LHX2: variants seen among roughly 807,000 people sequenced by gnomAD.
The protein encoded by LHX2 is LIM homeobox 2.
In LHX2, 6 loss-of-function variants were observed where a neutral mutation model predicts 33.0. The ratio of observed to expected loss-of-function variants is 0.18; its 90% CI spans 0.10 to 0.36. LHX2 has a LOEUF of 0.36. Ranked by LOEUF, LHX2 falls within the 10% of genes least tolerant of loss-of-function variation. The pLI, the probability that LHX2 is intolerant of heterozygous loss-of-function variation, is 1.00. For missense variants in LHX2, 442 were observed against 586.2 expected (o/e 0.75, Z 2.54); for synonymous variants, 292 against 253.1 (o/e 1.15, Z -1.46).
chr9:124,013,790 A>G (rs1335625028), intron 1 of LHX2, among the ~76,000 whole-genome samples, 171 bp from the exon 2 acceptor site: 2 of 152,348 alleles, frequency 1.3e-5, no homozygotes, highest in African/African-American at 4.8e-5. Context: ...CCGCCCAGAA[A>G]TGGAAATGGG....
chr9:124,023,996 T>C (rs558421730), intron 4 of LHX2, among the ~76,000 whole-genome samples: 1 of 152,204 alleles, frequency 6.6e-6, no homozygotes, highest in African/African-American at 2.4e-5. Context: ...TGATCTCCAC[T>C]TGCCCCAAAT....
rs1002288001 is a variant in LHX2, at chr9:124,032,195, T to C, written c.934-225T>C. On this transcript the variant is annotated intron_variant, in intron 4 of 4. Transcript: ENST00000373615. The surrounding 1 kb of genome is among the most constrained non-coding windows in gnomAD (Gnocchi z 4.1). ...AGTTAGAAGCTGCAGTGAGTCGAGA[T>C]TGTGTCACTGCACTTCAGCCTGGGG... The C allele has an allele frequency of 7.4e-5, 37 of 500,580 alleles. No homozygotes were observed. The highest frequency in any genetic ancestry group is 1.7e-4 in the South Asian group (5 of 29,076). The allele number at this position is 500,580 out of a possible 1,614,324, so 31.0% of individuals were successfully genotyped here.
intron 4 of LHX2, among the ~76,000 whole-genome samples, chr9:124,029,257 A>G (rs1473565504): frequency 6.6e-6 from 1 of 152,184 alleles, no homozygotes; most frequent in Non-Finnish European, 1.5e-5. Context: ...GCACATAGTA[A>G]AAGGTACATA....
intron 3 of LHX2, among the ~76,000 whole-genome samples, chr9:124,020,118 T>C (rs1859266843): frequency 6.6e-6 from 1 of 152,226 alleles, no homozygotes; most frequent in East Asian, 1.9e-4. Context: ...TTACCGGTGG[T>C]GTGGCAGTGT....
At chr9:124,021,077 C>A (rs1243918132) in intron 3 of LHX2, 22 bp from the exon 4 acceptor site, 10 of 1,611,548 alleles carry the variant, frequency 6.2e-6, no homozygotes. Flanking sequence ...GTTCACCCAC[C>A]GGCTCTGTGT....
At position 124,016,915 on chromosome 9, in the gene LHX2, A is replaced by T. The variant is rs747201411; in HGVS notation, c.727+1390A>T. 2.6e-5 allele frequency among the ~76,000 whole-genome samples: 4 copies of T among 152,158 alleles called. No individual in the cohort carries two copies. The highest frequency in any genetic ancestry group is 6.5e-5 in the Admixed American group (1 of 15,278). ...CCCCAACACCAAGCCGCTTCTATTT[A>T]TCAAGTGGGTCAACTTCCACTCGGA... On this transcript the variant is annotated intron_variant, in intron 3 of 4. Coordinates refer to ENST00000373615, the MANE Select transcript of LHX2 (RefSeq NM_004789.4). This position sits in a 1 kb window ranked among gnomAD's most constrained non-coding sequence, Gnocchi z 4.4.
intron 4 of LHX2, among the ~76,000 whole-genome samples, chr9:124,029,797 G>A (rs529958898): frequency 6.6e-6 from 1 of 152,324 alleles, no homozygotes; most frequent in East Asian, 1.9e-4. Context: ...GGCCAGGACA[G>A]TGGCAAGGCA....
Position 124,032,684 on chromosome 9 carries a change from A to G in LHX2, c.1198A>G (p.Thr400Ala), listed in dbSNP as rs781483915. Reference protein sequence around the residue: ...EGHEPHSPSQTTLTNLF With the variant: ...EGHEPHSPSQATLTNLF Reference sequence around the variant, plus strand: ...CCATGAGCCTCACAGCCCCTCACAAACGACTCTTACCAACCTTTTCTAATG... The same window carrying G: ...CCATGAGCCTCACAGCCCCTCACAAGCGACTCTTACCAACCTTTTCTAATG... The change falls in exon 5 of 5, where the codon ACG (threonine) becomes GCG (alanine). Residue 400 changes from threonine (T) to alanine (A), a missense_variant. Transcript: ENST00000373615. This position sits in a 1 kb window ranked among gnomAD's most constrained non-coding sequence, Gnocchi z 4.1. 1 of 1,601,054 alleles carries G rather than the reference A, an allele frequency of 6.2e-7. No individual in the cohort carries two copies. The highest frequency in any genetic ancestry group is 1.7e-5 in the Admixed American group (1 of 59,278).
At chr9:124,013,879 G>C (rs1459260529) in intron 1 of LHX2, 82 bp from the exon 2 acceptor site, 1 of 1,330,606 alleles carries the variant, frequency 7.5e-7, no homozygotes, top group Non-Finnish European at 1.1e-6. Flanking sequence ...CACAGAGGGA[G>C]TTGTGGGTGC....
chr9:124,015,380 G>A lies in LHX2; in HGVS notation c.582G>A (p.Ala194=), dbSNP rs760714480. The change falls in exon 3 of 5, where the codon GCG becomes GCA. Residue 194 remains alanine, a synonymous_variant. Coordinates refer to ENST00000373615, the MANE Select transcript of LHX2 (RefSeq NM_004789.4). The surrounding 1 kb of genome is among the most constrained non-coding windows in gnomAD (Gnocchi z 7.9). ...TGGCAGCGGCGGCCGCTGCAGCCGCGGCGGCCAAGAGCGCGGGGCTGGGCG... is the reference window on the plus strand; with the variant it reads ...TGGCAGCGGCGGCCGCTGCAGCCGCAGCGGCCAAGAGCGCGGGGCTGGGCG... ...ADVAAAAAAA[A]AAKSAGLGAA... is the part of the protein sequence containing the mutation. 19 of 1,609,876 alleles carry A rather than the reference G, an allele frequency of 1.2e-5. No homozygotes were observed. The East Asian group carries it at 2.5e-4, about 21-fold the overall frequency.
chr9:124,019,659 T>A (rs1015470275), intron 3 of LHX2, among the ~76,000 whole-genome samples: 16 of 152,212 alleles, frequency 1.1e-4, no homozygotes, highest in Admixed American at 9.8e-4. Flanking sequence ...TACTAAAAAA[T>A]TACTTATTAT....
At chr9:124,017,851 C>T (rs1466410880) in intron 3 of LHX2, among the ~76,000 whole-genome samples, 1 of 152,004 alleles carries the variant, frequency 6.6e-6, no homozygotes, top group Admixed American at 6.5e-5. Context: ...CGCAGCCCCT[C>T]GGGCCCGGGC....
rs1344143715 is a variant in LHX2 at position 124,015,659 on chromosome 9, G to A, written c.727+134G>A. 2.0e-6 allele frequency: 2 copies of A among 998,266 alleles called. No homozygotes were observed. The highest frequency in any genetic ancestry group is 3.8e-5 in the South Asian group (2 of 53,054). The allele number at this position is 998,266 out of a possible 1,614,324, so 61.8% of individuals were successfully genotyped here. ...AAGCACCGGACGGCCTCGCAGAAGGGACATTAGCCCCCTGGGCTTCCAGAC... is the reference window on the plus strand; with the variant it reads ...AAGCACCGGACGGCCTCGCAGAAGGAACATTAGCCCCCTGGGCTTCCAGAC... On this transcript the variant is annotated intron_variant, in intron 3 of 4. Coordinates refer to ENST00000373615, the MANE Select transcript of LHX2 (RefSeq NM_004789.4). The surrounding 1 kb of genome is among the most constrained non-coding windows in gnomAD (Gnocchi z 7.9).
chr9:124,017,927 G>A (rs964739477), intron 3 of LHX2, among the ~76,000 whole-genome samples: 2 of 151,840 alleles, frequency 1.3e-5, no homozygotes, highest in Non-Finnish European at 2.9e-5. Flanking sequence ...GTGCGAAAAC[G>A]GCGGCAGGAG....
At chr9:124,024,649 C>A (rs868612019) in intron 4 of LHX2, among the ~76,000 whole-genome samples, 28 of 152,326 alleles carry the variant, frequency 1.8e-4, no homozygotes, top group African/African-American at 6.5e-4. Flanking sequence ...AGGACCCAGG[C>A]ATGCTGATCT....
chr9:124,030,863 C>T (rs1828696328), intron 4 of LHX2, among the ~76,000 whole-genome samples: 1 of 152,032 alleles, frequency 6.6e-6, no homozygotes, highest in Admixed American at 6.5e-5. Context: ...GAACTGCTGA[C>T]CTCAAGTGAT....
chr9:124,021,604 G>C (rs1859295469), intron 4 of LHX2, among the ~76,000 whole-genome samples: 1 of 151,784 alleles, frequency 6.6e-6, no homozygotes, highest in Non-Finnish European at 1.5e-5. Flanking sequence ...ACAATTCTTA[G>C]TTTCTGTTTA....
At chr9:124,023,759 C>T (rs534550253) in intron 4 of LHX2, among the ~76,000 whole-genome samples, 1 of 152,184 alleles carries the variant, frequency 6.6e-6, no homozygotes, top group South Asian at 2.1e-4. Context: ...TCTGATGAAA[C>T]ATATATTGGC....
In LHX2 at chr9:124,014,357, T is replaced by C. The variant is rs78186369; in HGVS notation, c.323+194T>C. On this transcript the variant is annotated intron_variant, in intron 2 of 4. Transcript: ENST00000373615. The surrounding 1 kb of genome is among the most constrained non-coding windows in gnomAD (Gnocchi z 4.8). ...TTTAAAGCAGCAATTTGGGGAGCTC[T>C]TGGAAAGGTCTACGAAGTAGGAGAA... Among the ~76,000 whole-genome samples, 1,276 of 151,806 alleles carry C rather than the reference T, an allele frequency of 8.4e-3. 14 individuals are homozygous for C. The highest frequency in any genetic ancestry group is 0.03 in the African/African-American group (1,230 of 41,212).
Sources: gnomAD v4.1 joint callset for allele counts (sites outside exome capture counted in the v4.1 genomes callset) on GRCh38, gnomAD v4.1.1 for gene constraint, Gnocchi (gnomAD v3.1) non-coding constraint, MANE v1.5 for transcripts, NCBI Gene and HGNC (gene_info 2026-07-23, HGNC 2026-07-21) for gene names.